NDST3: variants seen among roughly 807,000 people sequenced by gnomAD.
The protein encoded by NDST3 is N-deacetylase and N-sulfotransferase 3.
NDST3 carries 58 observed loss-of-function variants against 96.1 expected under a neutral mutation model. The ratio of observed to expected loss-of-function variants is 0.60; its 90% confidence interval spans 0.49 to 0.75. The LOEUF is 0.75. Among genes scored for constraint, NDST3 ranks in the 30% least tolerant of loss-of-function variants. The pLI is 0.00. For synonymous variants in NDST3, 333 were observed against 359.7 expected, an observed-to-expected ratio of 0.93 and a Z score of 0.84; for missense variants, 788 against 1,034.2, an observed-to-expected ratio of 0.76 and a Z score of 3.27.
chr4:118,163,237 C>T (rs1735302330), intron 6 of NDST3, among the ~76,000 whole-genome samples: 1 of 152,002 alleles, frequency 6.6e-6, no homozygotes, highest in Non-Finnish European at 1.5e-5. Context: ...TTGACCCAGC[C>T]ATCCCATTAC....
At position 118,143,635 on chromosome 4, in the gene NDST3, A is replaced by G. The variant is rs780354655; in HGVS notation, c.1490A>G (p.Asp497Gly). The stretch of plus-strand genomic sequence containing the variant: ...TATCCAGGGGGTCCTAAAGAGCTGG[A>G]TAAGAGTATCCAAGGAGGAGAACTT... Reference protein sequence around the residue: ...KEYPGGPKELDKSIQGGELFF... With the variant: ...KEYPGGPKELGKSIQGGELFF... The change falls in exon 6 of 14, where the codon GAT (aspartate) becomes GGT (glycine). Residue 497 changes from aspartate to glycine, a missense_variant. This residue lies in a region of NDST3 where 490 missense variants were observed against 708.8 expected (regional missense o/e 0.69). Coordinates refer to ENST00000296499, the MANE Select transcript of NDST3 (RefSeq NM_004784.3). 1.2e-6 allele frequency: 2 copies of G among 1,609,766 alleles called. No homozygotes were observed. Among genetic ancestry groups the G allele is most frequent in the Middle Eastern group, 1.7e-4 (1 of 6,054 alleles).
chr4:118,125,408 C>G (rs1043627594), intron 4 of NDST3, among the ~76,000 whole-genome samples: 1 of 151,952 alleles, frequency 6.6e-6, no homozygotes, highest in Non-Finnish European at 1.5e-5. Context: ...TCACATACCA[C>G]CCAGCAAACC....
intron 2 of NDST3, among the ~76,000 whole-genome samples, chr4:118,099,324 T>C (rs1409985294): frequency 6.6e-6 from 1 of 152,110 alleles, no homozygotes; most frequent in African/African-American, 2.4e-5. Flanking sequence ...GGCCTTGGCC[T>C]AAGGCAATTT....
At chr4:118,229,232 C>T (rs1024384244) in intron 8 of NDST3, among the ~76,000 whole-genome samples, 2 of 152,198 alleles carry the variant, frequency 1.3e-5, no homozygotes, top group Non-Finnish European at 1.5e-5. Flanking sequence ...ACCTGGGAGG[C>T]AGATGTTGCA....
chr4:118,158,258 G>A (rs905947211), intron 6 of NDST3, among the ~76,000 whole-genome samples: 26 of 152,072 alleles, frequency 1.7e-4, no homozygotes, highest in Non-Finnish European at 3.4e-4. Context: ...TGGGCTTTTT[G>A]GAGAAAAGGC....
chr4:118,193,743 C>G, intron 6 of NDST3: 1 of 1,416,460 alleles, frequency 7.1e-7, no homozygotes, highest in Non-Finnish European at 9.9e-7. Context: ...CTGCCCAGTT[C>G]CAGGGCCTTG....
intron 4 of NDST3, among the ~76,000 whole-genome samples, chr4:118,120,378 G>A (rs971519275): frequency 1.1e-4 from 17 of 152,080 alleles, no homozygotes; most frequent in Admixed American, 3.9e-4. Context: ...TGGTTTCTGC[G>A]GGAAAGGTAA....
chr4:118,107,863 G>C (rs1730326163), intron 3 of NDST3, among the ~76,000 whole-genome samples: 1 of 152,194 alleles, frequency 6.6e-6, no homozygotes, highest in South Asian at 2.1e-4. Context: ...ATAATAAACT[G>C]ATAGTAATGG....
In NDST3 at chr4:118,054,233, T is replaced by C. The variant is rs754050486; in HGVS notation, c.323T>C (p.Ile108Thr). 21 of 1,612,722 alleles carry C rather than the reference T, an allele frequency of 1.3e-5. No individual in the cohort carries two copies. The highest frequency in any genetic ancestry group is 1.1e-4 in the African/African-American group (8 of 74,838). The change falls in exon 2 of 14, where the codon ATT (isoleucine) becomes ACT (threonine). Residue 108 changes from isoleucine to threonine, a missense_variant. Around this residue, in one of 3 missense-constraint regions of NDST3, gnomAD observed 234 missense variants for 256.9 expected, o/e 0.91. Coordinates refer to ENST00000296499, the MANE Select transcript of NDST3 (RefSeq NM_004784.3). ...GAATCAAGTAGATTCCAGTATCACA[T>C]TGAAATTGCCCCTGGAAAGGGAGAT... ...ILESSRFQYH[I>T]EIAPGKGDLP... is the part of the protein sequence containing the mutation.
intron 2 of NDST3, among the ~76,000 whole-genome samples, chr4:118,069,777 T>C (rs1003911501): frequency 4.0e-5 from 6 of 150,310 alleles, no homozygotes; most frequent in Non-Finnish European, 8.9e-5. Flanking sequence ...GAATTGTTTC[T>C]TGTCAATCGT....
intron 3 of NDST3, among the ~76,000 whole-genome samples, chr4:118,113,682 T>C (rs1730827431): frequency 6.6e-6 from 1 of 152,172 alleles, no homozygotes; most frequent in African/African-American, 2.4e-5. Context: ...TCTCCATCTT[T>C]AGCCTGTAGG....
intron 4 of NDST3, among the ~76,000 whole-genome samples, chr4:118,132,992 G>A (rs945628134): frequency 1.1e-4 from 17 of 152,136 alleles, no homozygotes; most frequent in African/African-American, 3.4e-4. Context: ...AAGGAAGGAC[G>A]CACTTTCATT....
chr4:118,125,484 C>G (rs1731973436), intron 4 of NDST3, among the ~76,000 whole-genome samples: 1 of 151,992 alleles, frequency 6.6e-6, no homozygotes, highest in African/African-American at 2.4e-5. Flanking sequence ...GTGGTCAAAT[C>G]TATAAATATT....
intron 4 of NDST3, among the ~76,000 whole-genome samples, chr4:118,117,517 G>T (rs977924303): frequency 3.3e-5 from 5 of 152,048 alleles, no homozygotes; most frequent in Non-Finnish European, 7.4e-5. Context: ...AAGCATTAGG[G>T]TTACAAAACT....
intron 3 of NDST3, among the ~76,000 whole-genome samples, chr4:118,111,613 T>C (rs1730647206): frequency 6.6e-6 from 1 of 150,710 alleles, no homozygotes; most frequent in Non-Finnish European, 1.5e-5. Context: ...CTTAGCTCAC[T>C]GCAAGCTCTG....
At position 118,240,695 on chromosome 4, in the gene NDST3, G is replaced by A. The variant is rs1363422001; in HGVS notation, c.2289+1G>A. On this transcript the variant is annotated splice_donor_variant, in intron 11 of 13. Coordinates refer to ENST00000296499, the MANE Select transcript of NDST3 (RefSeq NM_004784.3). LOFTEE classifies it high-confidence loss of function. ...GCTTGTTTATTTCCCCCCATTTCAGGTATGGAGTAATAAGGATTTACATCA... is the reference window on the plus strand; with the variant it reads ...GCTTGTTTATTTCCCCCCATTTCAGATATGGAGTAATAAGGATTTACATCA... 1.2e-6 allele frequency: 2 copies of A among 1,612,308 alleles called. No individual in the cohort carries two copies. The highest frequency in any genetic ancestry group is 2.2e-5 in the East Asian group (1 of 44,848).
intron 4 of NDST3, among the ~76,000 whole-genome samples, chr4:118,135,753 G>A (rs1025340828): frequency 6.6e-6 from 1 of 152,130 alleles, no homozygotes; most frequent in Non-Finnish European, 1.5e-5. Context: ...AGTCAGGTGT[G>A]CTGGTGTGCA....
chr4:118,107,664 T>C (rs1053670898), intron 3 of NDST3, among the ~76,000 whole-genome samples: 12 of 152,310 alleles, frequency 7.9e-5, no homozygotes, highest in Admixed American at 2.0e-4. Context: ...ACTCTATGTA[T>C]AGAACTCTTG....
At chr4:118,086,498 A>C (rs1728434879) in intron 2 of NDST3, among the ~76,000 whole-genome samples, 1 of 152,148 alleles carries the variant, frequency 6.6e-6, no homozygotes. Flanking sequence ...TCCTGATTGA[A>C]AGAGGCATTT....
Sources: gnomAD v4.1 joint callset for allele counts (sites outside exome capture counted in the v4.1 genomes callset) on GRCh38, gnomAD v4.1.1 for gene constraint, gnomAD v4.1.1 regional missense constraint, MANE v1.5 for transcripts, NCBI Gene and HGNC (gene_info 2026-07-23, HGNC 2026-07-21) for gene names.